Variants in SHANK2 observed in about 807,000 individuals in gnomAD.
The protein encoded by SHANK2 is SH3 and multiple ankyrin repeat domains protein 2.
In SHANK2, 43 loss-of-function variants were observed where a neutral mutation model predicts 133.7. The observed-to-expected ratio is 0.32, with a 90% CI of 0.25 to 0.41. The LOEUF (loss-of-function observed/expected upper bound fraction) is 0.41. Among genes scored for constraint, SHANK2 ranks in the 10% least tolerant of loss-of-function variants. SHANK2 has a pLI of 1.00. For synonymous variants in SHANK2, 1,017 were observed against 952.8 expected (o/e 1.07, Z -1.24); for missense variants, 1,994 against 2,235.8 (o/e 0.89, Z 2.18).
intron 3 of SHANK2, among the ~76,000 whole-genome samples, chr11:71,127,092 G>C (rs116059123): frequency 0.029 from 4,456 of 152,306 alleles, 203 homozygotes; most frequent in African/African-American, 0.098. Context: ...ATGACTTTGA[G>C]GGATTCAAGC....
intron 2 of SHANK2, among the ~76,000 whole-genome samples, chr11:71,150,442 TAAG>T (rs777113653): frequency 8.7e-5 from 13 of 148,890 alleles, no homozygotes; most frequent in Non-Finnish European, 1.8e-4. Flanking sequence ...AAGGAAATGA[TAAG>T]AAGGAAAGCT....
intron 6 of SHANK2, among the ~76,000 whole-genome samples, chr11:71,104,254 C>T (rs781943340): frequency 6.6e-6 from 1 of 152,146 alleles, no homozygotes; most frequent in African/African-American, 2.4e-5. Flanking sequence ...GGTCTTCACA[C>T]AGCCAGCTGC....
At chr11:70,570,522 G>A (rs1276340093) in intron 17 of SHANK2, 4 of 152,286 alleles carry the variant, frequency 2.6e-5, no homozygotes, top group African/African-American at 7.2e-5. Flanking sequence ...TGGGCAGCCC[G>A]AGCTGTGAAC....
intron 14 of SHANK2, among the ~76,000 whole-genome samples, chr11:70,731,561 C>A (rs1216798869): frequency 6.6e-6 from 1 of 152,218 alleles, no homozygotes; most frequent in Non-Finnish European, 1.5e-5. Context: ...GTTTCCCACA[C>A]TCATGTGTGC....
intron 3 of SHANK2, among the ~76,000 whole-genome samples, chr11:71,140,301 G>C (rs782188421): frequency 6.6e-6 from 1 of 152,214 alleles, no homozygotes; most frequent in Non-Finnish European, 1.5e-5. Context: ...TGGCTTTCAC[G>C]AGGAGGTGCT....
intron 6 of SHANK2, among the ~76,000 whole-genome samples, chr11:71,100,677 G>C (rs1951702713): frequency 6.6e-6 from 1 of 152,074 alleles, no homozygotes; most frequent in East Asian, 1.9e-4. Context: ...GACCATCCTG[G>C]TTAACACAGT....
chr11:71,081,662 C>T (rs1951302825), intron 8 of SHANK2, among the ~76,000 whole-genome samples: 1 of 152,164 alleles, frequency 6.6e-6, no homozygotes, highest in Admixed American at 6.5e-5. Context: ...CTCAAGGGTC[C>T]TCATTCCCTC....
At chr11:70,683,142 A>AT (rs150948998) in intron 15 of SHANK2, among the ~76,000 whole-genome samples, 8,626 of 151,952 alleles carry the variant, frequency 0.057, 329 homozygotes, top group Middle Eastern at 0.11. Context: ...TTTTACTGAA[A>AT]TTTTTTAATT....
chr11:70,642,287 GTCTTAAAACT>G (rs1301156508), intron 17 of SHANK2, among the ~76,000 whole-genome samples: 1 of 129,028 alleles, frequency 7.8e-6, no homozygotes. Flanking sequence ...ATGCCCATGG[GTCTTAAAACT>G]TTGATTTTCC....
At chr11:70,785,884 T>TCAGGGACTCTTTGGTTTCTAAG (rs1947643327) in intron 14 of SHANK2, among the ~76,000 whole-genome samples, 2 of 152,148 alleles carry the variant, frequency 1.3e-5, no homozygotes, top group Admixed American at 1.3e-4. Context: ...TCTGTCCGCT[T>TCAGGGACTCTTTGGTTTCTAAG]CAGGGACTCT....
At chr11:70,756,748 C>T (rs868935375) in intron 14 of SHANK2, among the ~76,000 whole-genome samples, 40 of 152,322 alleles carry the variant, frequency 2.6e-4, no homozygotes, top group Admixed American at 1.6e-3. Context: ...TCAGTGGCCA[C>T]GCAGCGTTGA....
intron 10 of SHANK2, among the ~76,000 whole-genome samples, chr11:70,942,190 A>C (rs917393586): frequency 1.3e-5 from 2 of 152,168 alleles, no homozygotes; most frequent in Non-Finnish European, 2.9e-5. Context: ...CTGTCTCGAA[A>C]AAAAAGGAAA....
At chr11:70,917,196 G>T (rs1490200903) in intron 10 of SHANK2, among the ~76,000 whole-genome samples, 2 of 152,154 alleles carry the variant, frequency 1.3e-5, no homozygotes, top group Non-Finnish European at 2.9e-5. Context: ...TGAAAAGTGG[G>T]CAAAGGACAT....
At chr11:70,524,296 C>G (rs570429646) in intron 17 of SHANK2, among the ~76,000 whole-genome samples, 16 of 152,346 alleles carry the variant, frequency 1.1e-4, no homozygotes, top group Non-Finnish European at 1.6e-4. Context: ...AGCTGTGTCG[C>G]TCACATCCAC....
intron 1 of SHANK2, among the ~76,000 whole-genome samples, chr11:71,235,597 G>GA (rs11412828): frequency 0.58 from 82,397 of 142,360 alleles, 25,188 homozygotes; most frequent in East Asian, 0.89. Context: ...CTCTCTCGGG[G>GA]AAAAAAAAAA....
At chr11:71,129,218 A>G (rs4944082) in intron 3 of SHANK2, among the ~76,000 whole-genome samples, 65,686 of 152,138 alleles carry the variant, frequency 0.43, 15,134 homozygotes, top group East Asian at 0.6. Context: ...TCTGGACTTC[A>G]CAGCGGGGCT....
intron 11 of SHANK2, among the ~76,000 whole-genome samples, chr11:70,852,912 G>A (rs1397133635): frequency 6.6e-6 from 1 of 152,230 alleles, no homozygotes; most frequent in Non-Finnish European, 1.5e-5. Flanking sequence ...CAGGGGAGGG[G>A]TTGCCTTGGC....
At chr11:70,675,490 G>C (rs903344869) in intron 15 of SHANK2, among the ~76,000 whole-genome samples, 1 of 152,212 alleles carries the variant, frequency 6.6e-6, no homozygotes, top group Non-Finnish European at 1.5e-5. Context: ...GTTACTGAAC[G>C]ATAGTGATAC....
At position 70,486,131 on chromosome 11, in the gene SHANK2, G is replaced by A; in HGVS notation, c.4162C>T (p.Pro1388Ser). Residue 1388 changes from proline (P) to serine (S), a missense_variant, in exon 25 of 26, where the codon CCA (proline) becomes TCA (serine). By Grantham distance (74) the Pro-to-Ser change is moderately conservative. Transcript: ENST00000601538. The surrounding 1 kb of genome is among the most constrained non-coding windows in gnomAD (Gnocchi z 8.0). ...VGSMEEAVIL[P>S]FRIPPPPLAS... The stretch of plus-strand genomic sequence containing the variant: ...AGAGGGGGAGGAGGGATGCGGAATG[G>A]CAAAATCACCGCCTCTTCCATGGAG... 1 of 1,614,014 alleles carries A rather than the reference G, an allele frequency of 6.2e-7. No homozygotes were observed.
Sources: allele counts gnomAD v4.1 joint callset (sites outside exome capture counted in the v4.1 genomes callset), GRCh38; gene constraint gnomAD v4.1.1; non-coding constraint Gnocchi (gnomAD v3.1); transcripts MANE v1.5; gene names NCBI Gene and HGNC (gene_info 2026-07-23, HGNC 2026-07-21).